Variants in SDK2 observed in about 807,000 individuals in gnomAD.
SDK2 encodes protein sidekick-2.
Under a neutral mutation model 253.9 loss-of-function variants are expected in SDK2, and 105 were observed. The ratio of observed to expected loss-of-function variants is 0.41; its 90% CI spans 0.35 to 0.49. The LOEUF (loss-of-function observed/expected upper bound fraction) is 0.49. SDK2 is among the 20% of genes least tolerant of loss of function. SDK2 has a pLI of 0.06. For missense variants in SDK2, 2,608 were observed against 3,003.0 expected (o/e 0.87, Z 3.07); for synonymous variants, 1,249 against 1,234.9 (o/e 1.01, Z -0.24).
At chr17:73,539,759 C>T (rs1476550992) in intron 1 of SDK2, among the ~76,000 whole-genome samples, 3 of 152,158 alleles carry the variant, frequency 2.0e-5, no homozygotes, top group African/African-American at 7.2e-5. Flanking sequence ...CAAAGGTGGC[C>T]CCTAATACAA....
At chr17:73,523,619 C>T (rs2064101924) in intron 1 of SDK2, among the ~76,000 whole-genome samples, 1 of 152,080 alleles carries the variant, frequency 6.6e-6, no homozygotes, top group Non-Finnish European at 1.5e-5. Flanking sequence ...GATGGGACTT[C>T]CCTTACAGAC....
At chr17:73,518,192 C>T (rs1262150956) in intron 1 of SDK2, 1 of 152,256 alleles carries the variant, frequency 6.6e-6, no homozygotes, top group Non-Finnish European at 1.5e-5. Flanking sequence ...AAGTTCCCTT[C>T]CAGCCCTGAC....
rs943248659 is a variant in SDK2 at position 73,644,338 on chromosome 17, C to T, written c.-250G>A. Among the ~76,000 whole-genome samples the T allele has an allele frequency of 6.6e-6, 1 of 152,194 alleles. No individual in the cohort carries two copies. The highest frequency in any genetic ancestry group is 1.5e-5 in the Non-Finnish European group (1 of 68,012). On this transcript the variant is annotated 5_prime_UTR_variant, in exon 1 of 45. Coordinates refer to ENST00000392650, the MANE Select transcript of SDK2 (RefSeq NM_001144952.2). The surrounding 1 kb of genome is among the most constrained non-coding windows in gnomAD (Gnocchi z 6.3). Reference sequence around the variant, plus strand: ...GGCGAGCAGGGAGAAAGAGGCCAGGCCGCCCTCTCGGACTAGGGCGCCTCT... The same window carrying T: ...GGCGAGCAGGGAGAAAGAGGCCAGGTCGCCCTCTCGGACTAGGGCGCCTCT...
chr17:73,501,260 A>ACACACG (rs58868274), intron 2 of SDK2, among the ~76,000 whole-genome samples: 3 of 151,918 alleles, frequency 2.0e-5, no homozygotes, highest in South Asian at 2.1e-4. Flanking sequence ...ACACACACAC[A>ACACACG]TATTTTAGCA....
chr17:73,509,405 T>C (rs2063960584), intron 1 of SDK2, among the ~76,000 whole-genome samples: 1 of 152,096 alleles, frequency 6.6e-6, no homozygotes, highest in South Asian at 2.1e-4. Context: ...TGCTGGCTGA[T>C]GCCCCAGGCC....
In SDK2 at chr17:73,390,526, C is replaced by T. The variant is rs368453164; in HGVS notation, c.3998-45G>A. The T allele has an allele frequency of 8.2e-5, 128 of 1,556,968 alleles. 1 individual carries two copies. The highest frequency in any genetic ancestry group is 6.0e-4 in the South Asian group (50 of 83,374). The stretch of plus-strand genomic sequence containing the variant: ...GGCTATTATGGCAAGCAAGGCAAGC[C>T]GCTCCTAGGGCCCCGGGAAGGGTTG... On this transcript the variant is annotated intron_variant, in intron 28 of 44. Transcript: ENST00000392650.
At chr17:73,580,459 T>C (rs910865119) in intron 1 of SDK2, among the ~76,000 whole-genome samples, 5 of 152,252 alleles carry the variant, frequency 3.3e-5, no homozygotes, top group Non-Finnish European at 5.9e-5. Flanking sequence ...AGGGACAGCC[T>C]TCCTGACCAG....
At chr17:73,527,549 A>G (rs1872082) in intron 1 of SDK2, among the ~76,000 whole-genome samples, 63,193 of 151,930 alleles carry the variant, frequency 0.42, 14,184 homozygotes, top group East Asian at 0.67. Context: ...AGGGAACAGG[A>G]GAAGAATGCA....
intron 1 of SDK2, among the ~76,000 whole-genome samples, chr17:73,514,243 G>T (rs760500486): frequency 1.3e-5 from 2 of 152,114 alleles, no homozygotes; most frequent in African/African-American, 2.4e-5. Context: ...ATGAAGAGCG[G>T]CCTTCAGAGG....
intron 8 of SDK2, 49 bp downstream of exon 8, chr17:73,437,690 G>T: frequency 7.0e-7 from 1 of 1,436,462 alleles, no homozygotes; most frequent in Non-Finnish European, 9.8e-7. Flanking sequence ...GATGGGAGAG[G>T]CTGAAGATCT....
intron 37 of SDK2, 33 bp downstream of exon 37, chr17:73,368,374 T>C (rs1386466474): frequency 7.0e-7 from 1 of 1,435,800 alleles, no homozygotes; most frequent in Non-Finnish European, 9.2e-7. Context: ...GTGGCCGACC[T>C]ACCCCTCCCC....
intron 44 of SDK2, among the ~76,000 whole-genome samples, chr17:73,343,727 G>GAAGCA (rs1372098297): frequency 1.3e-5 from 2 of 152,208 alleles, no homozygotes; most frequent in East Asian, 3.8e-4. Flanking sequence ...GAGAAAAGAG[G>GAAGCA]AAGCAAAGCA....
chr17:73,478,995 C>T (rs934662896), intron 2 of SDK2, among the ~76,000 whole-genome samples: 16 of 152,392 alleles, frequency 1.0e-4, no homozygotes, highest in Admixed American at 2.0e-4. Flanking sequence ...CATTCATGCA[C>T]GCCGTGCTGT....
intron 40 of SDK2, chr17:73,357,793 C>T (rs959556840): frequency 8.6e-5 from 45 of 524,862 alleles, no homozygotes; most frequent in Middle Eastern, 4.5e-4. Context: ...ACGTGAGCCA[C>T]GTGCTCAGGC....
chr17:73,458,861 G>A (rs1011443147), intron 3 of SDK2, among the ~76,000 whole-genome samples: 7 of 152,104 alleles, frequency 4.6e-5, no homozygotes, highest in African/African-American at 1.4e-4. Context: ...AAAATTAGCC[G>A]AGCATGGTGG....
chr17:73,530,413 A>T (rs1245676025), intron 1 of SDK2, among the ~76,000 whole-genome samples: 1 of 152,148 alleles, frequency 6.6e-6, no homozygotes, highest in Non-Finnish European at 1.5e-5. Flanking sequence ...CCTCACTATC[A>T]TGAGAACAGC....
rs527336831 is a variant in SDK2 at position 73,431,806 on chromosome 17, C to T, written c.1313-137G>A. On this transcript the variant is annotated intron_variant, in intron 10 of 44. Transcript: ENST00000392650. The surrounding 1 kb of genome is among the most constrained non-coding windows in gnomAD (Gnocchi z 5.6). ...TGCTGGAAGGAATGAGGACAGATGG[C>T]GGTGGGGCTGGGGTGGGGGCTGAGA... 2.0e-5 allele frequency: 19 copies of T among 931,046 alleles called. No homozygotes were observed. Among genetic ancestry groups the T allele is most frequent in the East Asian group, 1.1e-4 (4 of 35,588 alleles). 57.7% of individuals were successfully genotyped at this position (931,046 alleles called of 1,614,324 possible).
At chr17:73,476,840 C>T (rs2063689533) in intron 2 of SDK2, among the ~76,000 whole-genome samples, 1 of 152,136 alleles carries the variant, frequency 6.6e-6, no homozygotes. Flanking sequence ...GGCTGCTGGC[C>T]CCCTCCCCTC....
intron 36 of SDK2, among the ~76,000 whole-genome samples, chr17:73,376,501 C>T (rs369250572): frequency 1.3e-5 from 2 of 152,184 alleles, no homozygotes; most frequent in South Asian, 2.1e-4. Flanking sequence ...CACTGATGTT[C>T]GTGCGTGTTG....
Sources: allele counts gnomAD v4.1 joint callset (sites outside exome capture counted in the v4.1 genomes callset), GRCh38; gene constraint gnomAD v4.1.1; non-coding constraint Gnocchi (gnomAD v3.1); transcripts MANE v1.5; gene names NCBI Gene and HGNC (gene_info 2026-07-23, HGNC 2026-07-21).